MACROD2: variants seen among roughly 807,000 people sequenced by gnomAD.
The protein encoded by MACROD2 is mono-ADP ribosylhydrolase 2.
A neutral mutation model predicts 70.4 loss-of-function variants in MACROD2; 36 were observed. The ratio of observed to expected loss-of-function variants is 0.51; its 90% CI spans 0.39 to 0.68. MACROD2 has a LOEUF of 0.68. Among genes scored for constraint, MACROD2 ranks in the 30% least tolerant of loss-of-function variants. MACROD2 has a pLI of 0.00. For missense variants in MACROD2, 496 were observed against 538.4 expected, an observed-to-expected ratio of 0.92 and a Z score of 0.78; for synonymous variants, 172 against 178.8, an observed-to-expected ratio of 0.96 and a Z score of 0.30.
intron 5 of MACROD2, among the ~76,000 whole-genome samples, chr20:14,691,151 C>T (rs192791934): frequency 1.4e-4 from 21 of 152,316 alleles, no homozygotes; most frequent in Admixed American, 1.2e-3. Context: ...CTCCTGACCT[C>T]AGGTGATCCA....
chr20:14,886,761 A>G (rs1424323800), intron 5 of MACROD2, among the ~76,000 whole-genome samples: 1 of 152,170 alleles, frequency 6.6e-6, no homozygotes, highest in Non-Finnish European at 1.5e-5. Context: ...TAATTACTAC[A>G]ACTTCTTTAT....
intron 2 of MACROD2, among the ~76,000 whole-genome samples, chr20:14,011,261 A>T (rs988151579): frequency 1.3e-5 from 2 of 152,054 alleles, no homozygotes; most frequent in African/African-American, 4.8e-5. Context: ...CTCATTATCT[A>T]GGCCTTTCTT....
intron 5 of MACROD2, among the ~76,000 whole-genome samples, chr20:15,024,697 C>A (rs1208630195): frequency 6.6e-6 from 1 of 152,058 alleles, no homozygotes; most frequent in Non-Finnish European, 1.5e-5. Context: ...CTTTATAATT[C>A]TATACCTATC....
At chr20:14,419,488 G>T (rs1209587186) in intron 3 of MACROD2, among the ~76,000 whole-genome samples, 2 of 152,134 alleles carry the variant, frequency 1.3e-5, no homozygotes, top group East Asian at 3.8e-4. Flanking sequence ...GGAATTGACA[G>T]GAAAATTTGG....
intron 3 of MACROD2, among the ~76,000 whole-genome samples, chr20:14,403,477 T>C (rs1175579273): frequency 6.6e-6 from 1 of 152,196 alleles, no homozygotes; most frequent in Non-Finnish European, 1.5e-5. Flanking sequence ...CTTCAGTAAA[T>C]GATCAGAACT....
intron 4 of MACROD2, among the ~76,000 whole-genome samples, chr20:14,595,268 C>T (rs1332662155): frequency 6.6e-6 from 1 of 152,062 alleles, no homozygotes; most frequent in Non-Finnish European, 1.5e-5. Flanking sequence ...GAAGGGTGAG[C>T]ACGGTGGGGT....
At chr20:15,919,627 C>T (rs781326222) in intron 10 of MACROD2, among the ~76,000 whole-genome samples, 1 of 151,882 alleles carries the variant, frequency 6.6e-6, no homozygotes, top group Non-Finnish European at 1.5e-5. Context: ...CCCAGCTACT[C>T]GGGAGGCCGA....
chr20:15,462,940 A>G (rs907889249), intron 7 of MACROD2, among the ~76,000 whole-genome samples: 2 of 152,242 alleles, frequency 1.3e-5, no homozygotes, highest in East Asian at 3.8e-4. Context: ...CCACTATTCT[A>G]TAGTAATAAA....
intron 3 of MACROD2, among the ~76,000 whole-genome samples, chr20:14,250,556 C>A (rs2082004268): frequency 6.6e-6 from 1 of 152,072 alleles, no homozygotes; most frequent in Non-Finnish European, 1.5e-5. Context: ...GCCATTGTGT[C>A]CTTTAGAAAA....
intron 2 of MACROD2, among the ~76,000 whole-genome samples, chr20:14,048,823 C>T (rs1469365643): frequency 6.6e-6 from 1 of 152,100 alleles, no homozygotes; most frequent in African/African-American, 2.4e-5. Flanking sequence ...TAATAATGTA[C>T]TTTGAAGTGT....
chr20:15,947,701 G>C (rs1472184482), intron 12 of MACROD2, among the ~76,000 whole-genome samples: 3 of 152,088 alleles, frequency 2.0e-5, no homozygotes, highest in Non-Finnish European at 4.4e-5. Context: ...CCTCATATTT[G>C]TTTAATCAAA....
At chr20:14,713,982 TA>T in intron 5 of MACROD2, among the ~76,000 whole-genome samples, 1 of 151,988 alleles carries the variant, frequency 6.6e-6, no homozygotes, top group East Asian at 1.9e-4. Flanking sequence ...AACAAAAGTG[TA>T]AAGAAGAGCA....
In MACROD2 at chr20:15,796,185, A is replaced by G. The variant is rs1353043126; in HGVS notation, c.646-66560A>G. On this transcript the variant is annotated intron_variant, in intron 8 of 17. Coordinates refer to ENST00000684519, the MANE Select transcript of MACROD2 (RefSeq NM_001351661.2). ...ATGTAAAGAAATGGAATACACATAC[A>G]CTGCCTTATCTGAGCCATTTTCCAT... is the stretch of plus-strand genomic sequence containing the variant. Among the ~76,000 whole-genome samples, 4 of 152,226 alleles carry G rather than the reference A, an allele frequency of 2.6e-5. No individual in the cohort carries two copies. In the East Asian group the frequency reaches 7.7e-4, roughly 29 times the overall value.
chr20:15,960,936 A>G (rs2066051535), intron 12 of MACROD2, among the ~76,000 whole-genome samples: 1 of 152,184 alleles, frequency 6.6e-6, no homozygotes, highest in African/African-American at 2.4e-5. Context: ...TCTAGATGTC[A>G]GAGGTGGAGA....
At chr20:15,593,052 C>CA (rs2048699680) in intron 8 of MACROD2, among the ~76,000 whole-genome samples, 1 of 152,188 alleles carries the variant, frequency 6.6e-6, no homozygotes, top group Non-Finnish European at 1.5e-5. Flanking sequence ...CAAGCACACA[C>CA]AAACCAACCC....
At chr20:14,480,085 A>G (rs375782502) in intron 3 of MACROD2, among the ~76,000 whole-genome samples, 5 of 152,116 alleles carry the variant, frequency 3.3e-5, no homozygotes, top group Middle Eastern at 3.4e-3. Context: ...GAGTCTCTCT[A>G]TGTTGCACAG....
intron 2 of MACROD2, among the ~76,000 whole-genome samples, chr20:14,069,157 G>A (rs566668616): frequency 6.6e-6 from 1 of 152,304 alleles, no homozygotes; most frequent in Non-Finnish European, 1.5e-5. Flanking sequence ...ATGTTAACCA[G>A]GCTGGTCTCA....
chr20:15,299,078 C>T (rs1256198315), intron 6 of MACROD2, among the ~76,000 whole-genome samples: 2 of 152,142 alleles, frequency 1.3e-5, no homozygotes, highest in Non-Finnish European at 2.9e-5. Context: ...AAGTGATAAA[C>T]TAAGACACAG....
At chr20:14,734,661 C>CT (rs924620834) in intron 5 of MACROD2, among the ~76,000 whole-genome samples, 1 of 151,474 alleles carries the variant, frequency 6.6e-6, no homozygotes, top group Admixed American at 6.6e-5. Flanking sequence ...AAACTAAAGT[C>CT]TTTTGACTCC....
Sources: gnomAD v4.1 joint callset for allele counts (sites outside exome capture counted in the v4.1 genomes callset) on GRCh38, gnomAD v4.1.1 for gene constraint, MANE v1.5 for transcripts, NCBI Gene and HGNC (gene_info 2026-07-23, HGNC 2026-07-21) for gene names.